THADA: variants seen among roughly 807,000 people sequenced by gnomAD.
THADA encodes the protein THADA armadillo repeat containing, also known as tRNA (32-2'-O)-methyltransferase regulator THADA.
In THADA, 213 loss-of-function variants were observed where a neutral mutation model predicts 219.8. The observed-to-expected ratio is 0.97, with a 90% CI of 0.87 to 1.09. The LOEUF (loss-of-function observed/expected upper bound fraction) is 1.09, where lower values mean the gene tolerates loss of function less well. Among genes scored for constraint, THADA ranks in the 50% least tolerant of loss-of-function variants. The pLI is 0.00. For missense variants in THADA, 2,956 were observed against 2,311.3 expected, an observed-to-expected ratio of 1.28 and a Z score of -5.72; for synonymous variants, 1,018 against 828.9, an observed-to-expected ratio of 1.23 and a Z score of -3.92.
chr2:43,241,985 C>G (rs1171650346), intron 36 of THADA, among the ~76,000 whole-genome samples: 6 of 152,226 alleles, frequency 3.9e-5, no homozygotes, highest in Non-Finnish European at 8.8e-5. Flanking sequence ...ACTCTCTTGG[C>G]TTTGATTCAC....
intron 22 of THADA, among the ~76,000 whole-genome samples, chr2:43,519,142 T>C (rs1692104243): frequency 6.6e-6 from 1 of 152,046 alleles, no homozygotes; most frequent in Non-Finnish European, 1.5e-5. Context: ...GTCTTGTAAA[T>C]TATGTGACTT....
chr2:43,487,410 TAAAC>T (rs1687045761), intron 25 of THADA, among the ~76,000 whole-genome samples: 1 of 152,140 alleles, frequency 6.6e-6, no homozygotes. Context: ...ATGCACACCT[TAAAC>T]AAAACTGTAG....
At chr2:43,251,815 T>C (rs1320620805) in intron 36 of THADA, among the ~76,000 whole-genome samples, 1 of 152,236 alleles carries the variant, frequency 6.6e-6, no homozygotes, top group Non-Finnish European at 1.5e-5. Context: ...TGTGTCCCCA[T>C]GTTCAGGGAA....
chr2:43,428,122 G>C lies in THADA; in HGVS notation c.4036C>G (p.Pro1346Ala). The change falls in exon 28 of 38, where the codon CCT (proline) becomes GCT (alanine). Residue 1346 changes from proline to alanine, a missense_variant. Physicochemically the swap from Pro to Ala is conservative, Grantham distance 27. Coordinates refer to ENST00000405975, the MANE Select transcript of THADA (RefSeq NM_022065.5). ...DGTSSALSMG[P>A]FVPFIMRCGH... is the part of the protein sequence containing the mutation. ...TACCTCATAATGAAGGGAACAAAAGGTCCCATGCTGAGAGCAGAAGAAGTA... is the reference window on the plus strand; with the variant it reads ...TACCTCATAATGAAGGGAACAAAAGCTCCCATGCTGAGAGCAGAAGAAGTA... 1 of 1,610,146 alleles carries C rather than the reference G, an allele frequency of 6.2e-7. No homozygotes were observed. Among genetic ancestry groups the C allele is most frequent in the Non-Finnish European group, 8.5e-7 (1 of 1,177,764 alleles).
chr2:43,242,850 T>C (rs1236963079), intron 36 of THADA, among the ~76,000 whole-genome samples: 2 of 152,192 alleles, frequency 1.3e-5, no homozygotes, highest in Non-Finnish European at 2.9e-5. Context: ...CATGGATGGA[T>C]GGATGGATGA....
At chr2:43,262,575 G>A (rs1671081098) in intron 36 of THADA, among the ~76,000 whole-genome samples, 1 of 152,174 alleles carries the variant, frequency 6.6e-6, no homozygotes, top group Non-Finnish European at 1.5e-5. Context: ...TAGACATCAG[G>A]ATTACCAAAA....
At position 43,448,218 on chromosome 2, in the gene THADA, T is replaced by C. The variant is rs1681832924; in HGVS notation, c.3837-17916A>G. Among the ~76,000 whole-genome samples, 3 of 152,232 alleles carry C rather than the reference T, an allele frequency of 2.0e-5. No homozygotes were observed. The South Asian group carries it at 6.2e-4, about 32-fold the overall frequency. The stretch of plus-strand genomic sequence containing the variant: ...CAGAATGGGTCTAGTGTAACTATTT[T>C]GAAATTCTGTAGTCTATCTGAAGGA... On this transcript the variant is annotated intron_variant, in intron 26 of 37. Coordinates refer to ENST00000405975, the MANE Select transcript of THADA (RefSeq NM_022065.5).
At chr2:43,277,944 T>C (rs908547920) in intron 36 of THADA, among the ~76,000 whole-genome samples, 2 of 147,690 alleles carry the variant, frequency 1.4e-5, no homozygotes, top group Non-Finnish European at 3.0e-5. Context: ...AACAAGACAA[T>C]ATTGTTCTTT....
chr2:43,535,633 G>A (rs1212641862), intron 21 of THADA, among the ~76,000 whole-genome samples: 1 of 117,002 alleles, frequency 8.5e-6, no homozygotes, highest in Non-Finnish European at 1.6e-5. Context: ...CTAAACCCGA[G>A]ACAGCGCCAC....
chr2:43,581,557 AAG>A (rs1700455787), intron 8 of THADA, among the ~76,000 whole-genome samples, 182 bp downstream of exon 8: 1 of 150,790 alleles, frequency 6.6e-6, no homozygotes. Flanking sequence ...AAAAAAAAAA[AAG>A]AAAAGAAAAA....
rs184435834 is a variant in THADA at position 43,281,518 on chromosome 2, C to T, written c.5165-1622G>A. ...GTGCAATGGGGCAATCTTGGCTCACCGCAACCTCCACCTCCCAGGTTCAAG... is the reference window on the plus strand; with the variant it reads ...GTGCAATGGGGCAATCTTGGCTCACTGCAACCTCCACCTCCCAGGTTCAAG... On this transcript the variant is annotated intron_variant, in intron 35 of 37. Coordinates refer to ENST00000405975, the MANE Select transcript of THADA (RefSeq NM_022065.5). 3.2e-4 allele frequency among the ~76,000 whole-genome samples: 48 copies of T among 150,586 alleles called. 1 individual carries two copies. The East Asian group carries it at 7.4e-3, about 23-fold the overall frequency.
At chr2:43,582,634 A>G (rs1432959569) in intron 7 of THADA, among the ~76,000 whole-genome samples, 21 of 142,498 alleles carry the variant, frequency 1.5e-4, no homozygotes, top group Middle Eastern at 7.2e-3. Context: ...CAGTGGTGCA[A>G]TCTGGGCTCA....
At chr2:43,535,516 TA>T (rs1318641983) in intron 21 of THADA, among the ~76,000 whole-genome samples, 2 of 150,574 alleles carry the variant, frequency 1.3e-5, no homozygotes, top group South Asian at 2.1e-4. Context: ...CCATCTCTAC[TA>T]AAAAAATACA....
chr2:43,369,855 T>C (rs1670598454), intron 29 of THADA, among the ~76,000 whole-genome samples: 2 of 152,218 alleles, frequency 1.3e-5, no homozygotes, highest in Admixed American at 6.5e-5. Context: ...CCTCCAGCCA[T>C]GCTGTGAGTA....
intron 23 of THADA, 76 bp downstream of exon 23, chr2:43,508,572 C>T (rs1461114163): frequency 6.9e-7 from 1 of 1,443,342 alleles, no homozygotes; most frequent in South Asian, 1.4e-5. Context: ...CGCTCACTCA[C>T]ACGTCAAACA....
intron 36 of THADA, 108 bp downstream of exon 36, chr2:43,279,657 G>T: frequency 7.2e-7 from 1 of 1,391,682 alleles, no homozygotes; most frequent in Non-Finnish European, 9.4e-7. Context: ...TTGAGACACA[G>T]ACCAAATGAC....
chr2:43,556,542 A>C lies in THADA; in HGVS notation c.2477T>G (p.Leu826Arg). ...CAATGCTGCCTGAAATAAGCCTTGC[A>C]GTTTCCCCGAATCCTAGAATAAAGC... is the stretch of plus-strand genomic sequence containing the variant. ...TAVHFQDSGK[L>R]QGLFQAALEL... is the part of the protein sequence containing the mutation. Residue 826 changes from leucine to arginine, a missense_variant, in exon 17 of 38, where the codon CTG becomes CGG. Coordinates refer to ENST00000405975, the MANE Select transcript of THADA (RefSeq NM_022065.5). The C allele has an allele frequency of 6.2e-7, 1 of 1,613,672 alleles. No individual in the cohort carries two copies.
Position 43,505,664 on chromosome 2 carries a change from A to G in THADA, c.3579T>C (p.Ser1193=). ...GTATGTCATCTGTAGGCCCAGCCAA[A>G]GAGATTAACTCTTTCATTGTTATTT... ...LLKITMKELI[S]LAGPTDDIQS... The change falls in exon 24 of 38, where the codon TCT becomes TCC. Residue 1193 remains serine, a synonymous_variant. Transcript: ENST00000405975. 6.3e-7 allele frequency: 1 copy of G among 1,597,814 alleles called. No individual in the cohort carries two copies. Among genetic ancestry groups the G allele is most frequent in the African/African-American group, 1.3e-5 (1 of 74,926 alleles).
At chr2:43,421,864 TG>T (rs971130658) in intron 28 of THADA, among the ~76,000 whole-genome samples, 7 of 152,254 alleles carry the variant, frequency 4.6e-5, no homozygotes, top group Admixed American at 3.3e-4. Flanking sequence ...TGTGACTTTT[TG>T]GGCCATGCCA....
Sources: allele counts gnomAD v4.1 joint callset (sites outside exome capture counted in the v4.1 genomes callset), GRCh38; gene constraint gnomAD v4.1.1; transcripts MANE v1.5; gene names NCBI Gene and HGNC (gene_info 2026-07-23, HGNC 2026-07-21).